RGL1: variants seen among roughly 807,000 people sequenced by gnomAD.
RGL1 encodes the protein ral guanine nucleotide dissociation stimulator-like 1.
In RGL1, 24 loss-of-function variants were observed where a neutral mutation model predicts 95.2. The ratio of observed to expected loss-of-function variants is 0.25; its 90% CI spans 0.18 to 0.35. The LOEUF (loss-of-function observed/expected upper bound fraction) is 0.35. Among genes scored for constraint, RGL1 ranks in the 10% least tolerant of loss-of-function variants. The pLI is 1.00. For missense variants in RGL1, 715 were observed against 936.3 expected, an observed-to-expected ratio of 0.76 and a Z score of 3.08; for synonymous variants, 329 against 344.9, an observed-to-expected ratio of 0.95 and a Z score of 0.51.
chr1:183,910,418 C>A, intron 14 of RGL1, among the ~76,000 whole-genome samples: 1 of 152,166 alleles, frequency 6.6e-6, no homozygotes, highest in East Asian at 1.9e-4. Flanking sequence ...TTAAGAATTT[C>A]TTTTGTCTTT....
chr1:183,724,518 G>A lies in RGL1; in HGVS notation c.-32-17608G>A, dbSNP rs1375252115. On this transcript the variant is annotated intron_variant, in intron 1 of 18. Coordinates refer to the RGL1 transcript ENST00000304685. This position sits in a 1 kb window ranked among gnomAD's most constrained non-coding sequence, Gnocchi z 4.1. ...CTTGGGCCTTAAGTGAACATCAGCA[G>A]TAGCCTGGCAGTACTCCTCACAGGC... Among the ~76,000 whole-genome samples, 3 of 152,180 alleles carry A rather than the reference G, an allele frequency of 2.0e-5. No homozygotes were observed. The highest frequency in any genetic ancestry group is 2.9e-5 in the Non-Finnish European group (2 of 68,034).
intron 2 of RGL1, among the ~76,000 whole-genome samples, chr1:183,833,749 A>G (rs1207785999): frequency 6.6e-6 from 1 of 152,218 alleles, no homozygotes; most frequent in Non-Finnish European, 1.5e-5. Flanking sequence ...TTGACCTTAC[A>G]AATGAATAAT....
At chr1:183,815,819 C>T (rs150431406) in intron 2 of RGL1, among the ~76,000 whole-genome samples, 1,632 of 152,196 alleles carry the variant, frequency 0.011, 16 homozygotes, top group Non-Finnish European at 0.014. Context: ...GGTGTGCACT[C>T]AACTCACTGA....
rs1328102336 is a variant in RGL1, at chr1:183,926,450, G to GT, written c.*159dup. On this transcript the variant is annotated 3_prime_UTR_variant, in exon 18 of 18. Coordinates refer to ENST00000360851, the MANE Select transcript of RGL1 (RefSeq NM_001297671.3). ...TGTGCAAAGCATTATGATAGGCACC[G>GT]TGGGGAAACTGGAAATGAATTTGAC... 8.0e-6 allele frequency: 4 copies of GT among 498,300 alleles called. No homozygotes were observed. Among genetic ancestry groups the GT allele is most frequent in the Non-Finnish European group, 1.4e-5 (4 of 286,164 alleles). The allele number at this position is 498,300 out of a possible 1,614,324, so 30.9% of individuals were successfully genotyped here.
At chr1:183,877,598 T>C (rs761019968) in intron 4 of RGL1, among the ~76,000 whole-genome samples, 1 of 152,174 alleles carries the variant, frequency 6.6e-6, no homozygotes, top group Non-Finnish European at 1.5e-5. Flanking sequence ...CTCTGCCTCG[T>C]GTTCTATTGT....
At chr1:183,781,869 C>T (rs10797910) in intron 2 of RGL1, among the ~76,000 whole-genome samples, 105,620 of 152,120 alleles carry the variant, frequency 0.69, 37,036 homozygotes, top group East Asian at 0.91. Context: ...CCACAACAAA[C>T]TGTGCTCTAA....
chr1:183,855,824 A>G (rs1449083625), intron 3 of RGL1, among the ~76,000 whole-genome samples: 4 of 152,192 alleles, frequency 2.6e-5, no homozygotes, highest in Non-Finnish European at 4.4e-5. Flanking sequence ...ATTTTTTTCT[A>G]AACTTTTTGT....
intron 15 of RGL1, among the ~76,000 whole-genome samples, chr1:183,913,804 A>T (rs145523126): frequency 2.6e-5 from 4 of 152,362 alleles, no homozygotes; most frequent in Admixed American, 6.5e-5. Context: ...CCAATCCAGG[A>T]AAAGCATCAT....
chr1:183,736,309 C>A (rs772861035), intron 1 of RGL1, among the ~76,000 whole-genome samples: 1 of 152,162 alleles, frequency 6.6e-6, no homozygotes, highest in Non-Finnish European at 1.5e-5. Flanking sequence ...ATTAGTTTTG[C>A]TTTCTACATT....
chr1:183,817,648 C>T (rs1177505980), intron 2 of RGL1, among the ~76,000 whole-genome samples: 1 of 152,192 alleles, frequency 6.6e-6, no homozygotes, highest in Admixed American at 6.5e-5. Context: ...GACCCTTGTA[C>T]TCAGAGCTGT....
intron 1 of RGL1, chr1:183,647,344 A>G (rs1483051104): frequency 5.7e-6 from 1 of 175,798 alleles, no homozygotes; most frequent in African/African-American, 2.4e-5. Flanking sequence ...TATTTTGTCC[A>G]TGGGCTTTTG....
At chr1:183,868,342 G>A (rs55985026) in intron 4 of RGL1, among the ~76,000 whole-genome samples, 3,679 of 152,238 alleles carry the variant, frequency 0.024, 157 homozygotes, top group African/African-American at 0.085. Context: ...TAAGCAGTGG[G>A]CAGTCAGCAG....
chr1:183,652,134 A>G (rs949113868), intron 1 of RGL1, among the ~76,000 whole-genome samples: 1 of 152,214 alleles, frequency 6.6e-6, no homozygotes. Flanking sequence ...GGTGATGTGT[A>G]TGTGGAGTTA....
At chr1:183,833,454 T>C (rs60226187) in intron 2 of RGL1, among the ~76,000 whole-genome samples, 9,039 of 152,250 alleles carry the variant, frequency 0.059, 936 homozygotes, top group African/African-American at 0.21. Context: ...TTGTTCTGGG[T>C]CTACTGATCG....
rs755587555 is a variant in RGL1 at position 183,862,146 on chromosome 1, G to A, written c.348-3850G>A. Reference sequence around the variant, plus strand: ...CACTTGAGCCCAGAAGTTCGAGACCGGCCTGGGCAACAGAGTGAGATCTCG... The same window carrying A: ...CACTTGAGCCCAGAAGTTCGAGACCAGCCTGGGCAACAGAGTGAGATCTCG... On this transcript the variant is annotated intron_variant, in intron 3 of 17. Transcript: ENST00000360851. 5.3e-5 allele frequency among the ~76,000 whole-genome samples: 8 copies of A among 152,124 alleles called. No individual in the cohort carries two copies. The East Asian group carries it at 9.7e-4, about 18-fold the overall frequency.
intron 5 of RGL1, 84 bp downstream of exon 5, chr1:183,880,884 C>T: frequency 7.7e-7 from 1 of 1,307,086 alleles, no homozygotes; most frequent in Admixed American, 2.4e-5. Context: ...CCTGTGCTGG[C>T]TAATAGGAAA....
intron 3 of RGL1, among the ~76,000 whole-genome samples, chr1:183,855,619 C>A (rs1224457125): frequency 1.3e-5 from 2 of 152,140 alleles, no homozygotes; most frequent in African/African-American, 2.4e-5. Context: ...ACAGAGAGAG[C>A]ACTGGGAAAC....
chr1:183,873,483 AG>A, intron 4 of RGL1, among the ~76,000 whole-genome samples: 1 of 152,332 alleles, frequency 6.6e-6, no homozygotes, highest in East Asian at 1.9e-4. Context: ...CAGGTGGTTA[AG>A]TGACAGGTCT....
intron 7 of RGL1, among the ~76,000 whole-genome samples, chr1:183,886,465 C>T (rs1667116810): frequency 6.6e-6 from 1 of 151,928 alleles, no homozygotes; most frequent in African/African-American, 2.4e-5. Flanking sequence ...CTAATTCATT[C>T]AACTACTTTG....
Sources: gnomAD v4.1 joint callset for allele counts (sites outside exome capture counted in the v4.1 genomes callset) on GRCh38, gnomAD v4.1.1 for gene constraint, Gnocchi (gnomAD v3.1) non-coding constraint, MANE v1.5 for transcripts, NCBI Gene and HGNC (gene_info 2026-07-23, HGNC 2026-07-21) for gene names.